Variants in GMDS observed in about 807,000 individuals in gnomAD.
GMDS encodes the protein GDP-mannose 4,6 dehydratase.
Under a neutral mutation model 49.9 loss-of-function variants are expected in GMDS, and 20 were observed. The ratio of observed to expected loss-of-function variants is 0.40; its 90% confidence interval spans 0.28 to 0.58. The LOEUF (loss-of-function observed/expected upper bound fraction) is 0.58, where lower values mean the gene tolerates loss of function less well. GMDS is among the 20% of genes least tolerant of loss of function. The probability of loss-of-function intolerance (pLI) is 0.42; values close to 1 mark genes in which losing one functional copy is unlikely to be tolerated. For missense variants in GMDS, 362 were observed against 481.4 expected, an observed-to-expected ratio of 0.75 and a Z score of 2.32; for synonymous variants, 177 against 178.6, an observed-to-expected ratio of 0.99 and a Z score of 0.07.
At chr6:1,699,159 C>T (rs1765453064) in intron 9 of GMDS, among the ~76,000 whole-genome samples, 1 of 152,112 alleles carries the variant, frequency 6.6e-6, no homozygotes, top group Non-Finnish European at 1.5e-5. Flanking sequence ...AGCCTTCTGT[C>T]CCCCATGGAG....
intron 7 of GMDS, among the ~76,000 whole-genome samples, chr6:1,846,445 A>T (rs1275397616): frequency 6.6e-6 from 1 of 152,156 alleles, no homozygotes; most frequent in Non-Finnish European, 1.5e-5. Flanking sequence ...AATATCAATA[A>T]AAGGAAACAA....
At chr6:1,888,423 C>A (rs1759717085) in intron 7 of GMDS, among the ~76,000 whole-genome samples, 1 of 152,112 alleles carries the variant, frequency 6.6e-6, no homozygotes, top group African/African-American at 2.4e-5. Flanking sequence ...ACTTATAAAA[C>A]CATCAGATCT....
intron 1 of GMDS, among the ~76,000 whole-genome samples, chr6:2,142,550 G>A (rs1776354539): frequency 6.6e-6 from 1 of 152,196 alleles, no homozygotes; most frequent in African/African-American, 2.4e-5. Flanking sequence ...CAGCGGCAAG[G>A]TAAGGGGCCT....
intron 7 of GMDS, among the ~76,000 whole-genome samples, chr6:1,754,147 T>C (rs1238886371): frequency 6.6e-6 from 1 of 151,750 alleles, no homozygotes; most frequent in Non-Finnish European, 1.5e-5. Flanking sequence ...TCCAGAATAA[T>C]AAAGAAGAAA....
chr6:1,874,490 A>G lies in GMDS; in HGVS notation c.771+55613T>C, dbSNP rs144606340. ...GAGAGAGAGGACATGATAGTTTGAAATAACATTAATTAATCCTAGTTTCCA... is the reference window on the plus strand; with the variant it reads ...GAGAGAGAGGACATGATAGTTTGAAGTAACATTAATTAATCCTAGTTTCCA... On this transcript the variant is annotated intron_variant, in intron 7 of 10. Transcript: ENST00000380815. Among the ~76,000 whole-genome samples, 562 of 152,270 alleles carry G rather than the reference A, an allele frequency of 3.7e-3. 2 individuals are homozygous for G. The highest frequency in any genetic ancestry group is 0.013 in the African/African-American group (532 of 41,552).
At chr6:2,100,807 G>A (rs1193108267) in intron 4 of GMDS, among the ~76,000 whole-genome samples, 1 of 151,880 alleles carries the variant, frequency 6.6e-6, no homozygotes, top group East Asian at 1.9e-4. Context: ...AAAATAAAAC[G>A]TCCCCGAAAA....
chr6:1,989,524 G>C (rs924347754), intron 4 of GMDS, among the ~76,000 whole-genome samples: 1 of 152,192 alleles, frequency 6.6e-6, no homozygotes, highest in East Asian at 1.9e-4. Context: ...TTAAATTCAA[G>C]AGGCAGAAAA....
chr6:1,771,634 T>C (rs1201996339), intron 7 of GMDS, among the ~76,000 whole-genome samples: 1 of 152,246 alleles, frequency 6.6e-6, no homozygotes, highest in African/African-American at 2.4e-5. Context: ...CATGCAGATG[T>C]CATTTGTTCC....
At chr6:2,227,187 T>C (rs934639377) in intron 1 of GMDS, among the ~76,000 whole-genome samples, 1 of 152,120 alleles carries the variant, frequency 6.6e-6, no homozygotes, top group Admixed American at 6.5e-5. Flanking sequence ...TTATGAAATA[T>C]ATATATTTCC....
chr6:1,800,664 A>C (rs915863464), intron 7 of GMDS, among the ~76,000 whole-genome samples: 5 of 150,890 alleles, frequency 3.3e-5, no homozygotes, highest in Non-Finnish European at 7.4e-5. Flanking sequence ...GGGTTTCACC[A>C]TAATGGCCAG....
At chr6:2,016,087 TAAAAAAAA>T (rs375828300) in intron 4 of GMDS, among the ~76,000 whole-genome samples, 47 of 134,764 alleles carry the variant, frequency 3.5e-4, no homozygotes, top group African/African-American at 1.3e-3. Flanking sequence ...AAAAATAAAT[TAAAAAAAA>T]AAAAAACAGA....
intron 7 of GMDS, among the ~76,000 whole-genome samples, chr6:1,775,551 A>C (rs1339728251): frequency 3.3e-5 from 5 of 152,220 alleles, no homozygotes; most frequent in African/African-American, 1.2e-4. Flanking sequence ...CTATACTTTG[A>C]ACCTTCCTTG....
At chr6:2,103,503 A>G (rs1774045373) in intron 4 of GMDS, among the ~76,000 whole-genome samples, 1 of 152,204 alleles carries the variant, frequency 6.6e-6, no homozygotes, top group Non-Finnish European at 1.5e-5. Context: ...AGAGGGTAGG[A>G]GAAATGTTTT....
At chr6:1,677,111 T>C (rs1025142505) in intron 9 of GMDS, among the ~76,000 whole-genome samples, 1 of 152,062 alleles carries the variant, frequency 6.6e-6, no homozygotes, top group Non-Finnish European at 1.5e-5. Context: ...TATCAAAAAG[T>C]GGGCAAAGGA....
intron 1 of GMDS, 96 bp downstream of exon 1, chr6:2,245,225 G>T: frequency 1.1e-6 from 1 of 871,314 alleles, no homozygotes; most frequent in East Asian, 2.8e-5. Context: ...CGAGAGGGCT[G>T]TTCCTGGAGA....
At chr6:2,052,786 G>A (rs1206464496) in intron 4 of GMDS, among the ~76,000 whole-genome samples, 1 of 152,168 alleles carries the variant, frequency 6.6e-6, no homozygotes, top group East Asian at 1.9e-4. Flanking sequence ...AAAAAATCCA[G>A]ATATCTGGAG....
intron 9 of GMDS, among the ~76,000 whole-genome samples, chr6:1,699,745 G>A (rs555442175): frequency 1.3e-5 from 2 of 152,104 alleles, no homozygotes; most frequent in Non-Finnish European, 2.9e-5. Flanking sequence ...AATCCCATTT[G>A]CAAAGTCTCT....
chr6:2,136,314 G>T (rs966445171), intron 1 of GMDS, among the ~76,000 whole-genome samples: 1 of 152,156 alleles, frequency 6.6e-6, no homozygotes, highest in Non-Finnish European at 1.5e-5. Context: ...TACCCAACCT[G>T]TACCAAATAT....
chr6:2,014,085 A>T (rs934458145), intron 4 of GMDS, among the ~76,000 whole-genome samples: 1 of 149,990 alleles, frequency 6.7e-6, no homozygotes, highest in Admixed American at 6.7e-5. Flanking sequence ...ACACCCAACA[A>T]ACTAAAATTT....
Sources: gnomAD v4.1 joint callset for allele counts (sites outside exome capture counted in the v4.1 genomes callset) on GRCh38, gnomAD v4.1.1 for gene constraint, MANE v1.5 for transcripts, NCBI Gene and HGNC (gene_info 2026-07-23, HGNC 2026-07-21) for gene names.